Variants in DOCK8 observed in about 807,000 individuals in gnomAD.
DOCK8 encodes dedicator of cytokinesis protein 8.
Under a neutral mutation model 245.6 loss-of-function variants are expected in DOCK8, and 141 were observed. That is an observed-to-expected ratio of 0.57 (90% CI 0.50 to 0.66). The LOEUF is 0.66. DOCK8 is among the 30% of genes least tolerant of loss of function. The probability of loss-of-function intolerance (pLI) is 0.00; values close to 1 mark genes in which losing one functional copy is unlikely to be tolerated. For synonymous variants in DOCK8, 1,168 were observed against 970.2 expected, an observed-to-expected ratio of 1.20 and a Z score of -3.79; for missense variants, 2,965 against 2,603.4, an observed-to-expected ratio of 1.14 and a Z score of -3.02.
At chr9:361,794 A>G (rs957385691) in intron 14 of DOCK8, among the ~76,000 whole-genome samples, 1 of 152,188 alleles carries the variant, frequency 6.6e-6, no homozygotes. Context: ...CAAAATTGAC[A>G]CCAATTTTAT....
At chr9:317,639 A>G (rs2050404593) in intron 7 of DOCK8, among the ~76,000 whole-genome samples, 1 of 152,210 alleles carries the variant, frequency 6.6e-6, no homozygotes, top group Non-Finnish European at 1.5e-5. Context: ...AAACACAATG[A>G]TAAATGCAAC....
At chr9:415,086 C>G in intron 29 of DOCK8, 135 bp downstream of exon 29, 4 of 1,262,898 alleles carry the variant, frequency 3.2e-6, no homozygotes, top group East Asian at 2.3e-5. Flanking sequence ...GGTCTCCAAA[C>G]CTCTTTAACA....
intron 28 of DOCK8, among the ~76,000 whole-genome samples, chr9:411,298 A>G (rs2055714070): frequency 6.6e-6 from 1 of 152,078 alleles, no homozygotes; most frequent in Non-Finnish European, 1.5e-5. Context: ...CTGTAATCCC[A>G]TCTACTCGGG....
At chr9:375,335 T>TC (rs2053471792) in intron 18 of DOCK8, among the ~76,000 whole-genome samples, 1 of 152,186 alleles carries the variant, frequency 6.6e-6, no homozygotes, top group Non-Finnish European at 1.5e-5. Flanking sequence ...AGAAACTGTC[T>TC]GTAAGACCTA....
At chr9:453,399 G>A (rs1485679632) in intron 46 of DOCK8, among the ~76,000 whole-genome samples, 1 of 152,032 alleles carries the variant, frequency 6.6e-6, no homozygotes, top group Non-Finnish European at 1.5e-5. Context: ...CTTTTAAAAG[G>A]CTAGAAAAAT....
At position 422,171 on chromosome 9, in the gene DOCK8, A is replaced by G. The variant is rs368965254; in HGVS notation, c.4241+36A>G. On this transcript the variant is annotated intron_variant, in intron 33 of 47. Coordinates refer to ENST00000432829, the MANE Select transcript of DOCK8 (RefSeq NM_203447.4). Reference sequence around the variant, plus strand: ...CGGCAACTTTCTGCTACTTTTACCTAAAGTCCAAAACTATTTTTCCCAGGC... The same window carrying G: ...CGGCAACTTTCTGCTACTTTTACCTGAAGTCCAAAACTATTTTTCCCAGGC... 2.1e-4 allele frequency: 336 copies of G among 1,574,248 alleles called. 1 individual carries two copies. The African/African-American group carries it at 3.3e-3, about 16-fold the overall frequency.
intron 6 of DOCK8, among the ~76,000 whole-genome samples, chr9:316,097 A>G (rs1480076685): frequency 6.6e-6 from 1 of 152,204 alleles, no homozygotes; most frequent in Non-Finnish European, 1.5e-5. Context: ...CATTCCATCA[A>G]AGTGGGTACA....
At chr9:392,563 A>T (rs2054247764) in intron 24 of DOCK8, among the ~76,000 whole-genome samples, 1 of 152,182 alleles carries the variant, frequency 6.6e-6, no homozygotes. Flanking sequence ...GGTGACTTCT[A>T]AGCCTGTTAA....
At chr9:336,445 C>T in intron 11 of DOCK8, 137 bp from the exon 12 acceptor site, 1 of 1,204,398 alleles carries the variant, frequency 8.3e-7, no homozygotes, top group South Asian at 1.3e-5. Flanking sequence ...AATGGAAGGA[C>T]ATTTTCATTC....
At chr9:367,985 T>C in intron 14 of DOCK8, 33 bp from the exon 15 acceptor site, 2 of 1,546,954 alleles carry the variant, frequency 1.3e-6, no homozygotes, top group Non-Finnish European at 1.8e-6. Flanking sequence ...ACTCTAGACC[T>C]TTTTCATTGA....
chr9:434,830 T>A lies in DOCK8; in HGVS notation c.4934T>A (p.Leu1645His). Residue 1645 changes from leucine to histidine, a missense_variant, in exon 39 of 48, where the codon CTC becomes CAC. Leu to His is a moderately conservative substitution (Grantham distance 99). Transcript: ENST00000432829. ...TCTCCTGATCTGCGGCTGACCTGGC[T>A]CCAGAACATGGCAGAGAAACACACC... is the stretch of plus-strand genomic sequence containing the variant. ...QASPDLRLTW[L>H]QNMAEKHTKK... 1 of 1,614,166 alleles carries A rather than the reference T, an allele frequency of 6.2e-7. No individual in the cohort carries two copies. The highest frequency in any genetic ancestry group is 8.5e-7 in the Non-Finnish European group (1 of 1,180,046).
intron 1 of DOCK8, among the ~76,000 whole-genome samples, chr9:270,003 G>A (rs769577327): frequency 5.3e-5 from 8 of 152,206 alleles, no homozygotes; most frequent in Non-Finnish European, 8.8e-5. Flanking sequence ...CAGCATATGC[G>A]TGCTCCAGTT....
At chr9:363,617 A>G (rs2052837568) in intron 14 of DOCK8, among the ~76,000 whole-genome samples, 1 of 152,252 alleles carries the variant, frequency 6.6e-6, no homozygotes, top group South Asian at 2.1e-4. Flanking sequence ...CTTAAAAGAA[A>G]TTCCAGGCAA....
intron 1 of DOCK8, among the ~76,000 whole-genome samples, chr9:234,069 G>T (rs1037539629): frequency 3.3e-5 from 5 of 152,150 alleles, no homozygotes; most frequent in African/African-American, 1.2e-4. Context: ...GCTTCCTTCA[G>T]GAGCTCTTGT....
At chr9:292,337 A>AGATCGC in intron 4 of DOCK8, among the ~76,000 whole-genome samples, 1 of 130,124 alleles carries the variant, frequency 7.7e-6, no homozygotes, top group East Asian at 2.5e-4. Flanking sequence ...TGGTGAGCCA[A>AGATCGC]GATCGCGCCA....
intron 4 of DOCK8, among the ~76,000 whole-genome samples, chr9:289,983 C>T (rs538226008): frequency 3.9e-5 from 6 of 152,326 alleles, no homozygotes; most frequent in Non-Finnish European, 7.4e-5. Flanking sequence ...CATCCTCCCT[C>T]CCTGGCAACC....
Position 434,788 on chromosome 9 carries a change from C to T in DOCK8, c.4892C>T (p.Ala1631Val). Residue 1631 changes from alanine (A) to valine (V), a missense_variant, in exon 39 of 48, where the codon GCC (alanine) becomes GTC (valine). This residue lies in a region of DOCK8 where 2,825 missense variants were observed against 2,453.5 expected (regional missense o/e 1.15). Coordinates refer to ENST00000432829, the MANE Select transcript of DOCK8 (RefSeq NM_203447.4). ...CTCACTCAATCTGTCTTCAGAATTG[C>T]CAAGAGTTACCAGGCATCTCCTGAT... The part of the protein sequence containing the change: ...EMLMDLMYRI[A>V]KSYQASPDLR... 6.2e-7 allele frequency: 1 copy of T among 1,614,056 alleles called. No homozygotes were observed. Among genetic ancestry groups the T allele is most frequent in the Non-Finnish European group, 8.5e-7 (1 of 1,180,034 alleles).
intron 14 of DOCK8, among the ~76,000 whole-genome samples, chr9:361,356 A>G (rs1300809284): frequency 6.6e-6 from 1 of 152,182 alleles, no homozygotes; most frequent in African/African-American, 2.4e-5. Flanking sequence ...ATATCTTACA[A>G]TCCTGCAGAA....
chr9:394,757 TA>T (rs778281995), intron 24 of DOCK8, among the ~76,000 whole-genome samples: 1 of 152,172 alleles, frequency 6.6e-6, no homozygotes. Flanking sequence ...AAGGCCCATA[TA>T]GGGGGAAAGA....
Sources: allele counts gnomAD v4.1 joint callset (sites outside exome capture counted in the v4.1 genomes callset), GRCh38; gene constraint gnomAD v4.1.1; regional missense constraint gnomAD v4.1.1; transcripts MANE v1.5; gene names NCBI Gene and HGNC (gene_info 2026-07-23, HGNC 2026-07-21).